The following CD164 variants were observed in gnomAD, a reference collection of about 807,000 sequenced individuals.
CD164 encodes CD164 molecule.
A neutral mutation model predicts 24.6 loss-of-function variants in CD164; 11 were observed. The observed-to-expected ratio is 0.45, with a 90% CI of 0.28 to 0.74. The LOEUF is 0.74. Among genes scored for constraint, CD164 ranks in the 30% least tolerant of loss-of-function variants. CD164 has a pLI of 0.13. For synonymous variants in CD164, 126 were observed against 100.3 expected, an observed-to-expected ratio of 1.26 and a Z score of -1.53; for missense variants, 295 against 243.7, an observed-to-expected ratio of 1.21 and a Z score of -1.40.
Position 109,368,724 on chromosome 6 carries a change from A to G in CD164, c.*127T>C, listed in dbSNP as rs1348873507. 2 of 1,435,762 alleles carry G rather than the reference A, an allele frequency of 1.4e-6. No individual in the cohort carries two copies. Among genetic ancestry groups the G allele is most frequent in the Non-Finnish European group, 1.8e-6 (2 of 1,099,242 alleles). The allele number at this position is 1,435,762 out of a possible 1,614,324, so 88.9% of individuals were successfully genotyped here. On this transcript the variant is annotated 3_prime_UTR_variant, in exon 6 of 6. Coordinates refer to ENST00000310786, the MANE Select transcript of CD164 (RefSeq NM_006016.6). ...CGGATGATGCTCCCAAACATCCTAT[A>G]TGCATCCATGGAAATTTAAAGATCC... is the stretch of plus-strand genomic sequence containing the variant.
chr6:109,382,111 G>T (rs931530311), intron 1 of CD164, 93 bp downstream of exon 1: 3 of 1,159,904 alleles, frequency 2.6e-6, no homozygotes, highest in Non-Finnish European at 3.3e-6. Context: ...CCGCCCGACC[G>T]TGGCCCGAAC....
rs552369073 is a variant in CD164, at chr6:109,374,736, G to A, written c.370+1338C>T. On this transcript the variant is annotated intron_variant, in intron 4 of 5. Transcript: ENST00000310786. ...GCTTAACTCCTTCTCACCTTGTACAGGATGGGACACTCTTTGAACTCACCG... is the reference window on the plus strand; with the variant it reads ...GCTTAACTCCTTCTCACCTTGTACAAGATGGGACACTCTTTGAACTCACCG... Among the ~76,000 whole-genome samples, 26 of 152,274 alleles carry A rather than the reference G, an allele frequency of 1.7e-4. No individual in the cohort carries two copies. In the South Asian group the frequency reaches 5.4e-3, roughly 32 times the overall value.
Position 109,368,947 on chromosome 6 carries a change from G to C in CD164, c.498C>G (p.Phe166Leu). ...VRKSTFDAAS[F>L]IGGIVLVLGV... ...CCAAGACCAGGACAATTCCTCCAAT[G>C]AAACTGGCTGCATCAAAGGTAGACT... The change falls in exon 6 of 6, where the codon TTC (phenylalanine) becomes TTG (leucine). Residue 166 changes from phenylalanine (F) to leucine (L), a missense_variant. Coordinates refer to ENST00000310786, the MANE Select transcript of CD164 (RefSeq NM_006016.6). The C allele has an allele frequency of 6.2e-7, 1 of 1,613,920 alleles. No individual in the cohort carries two copies. Among genetic ancestry groups the C allele is most frequent in the Non-Finnish European group, 8.5e-7 (1 of 1,179,884 alleles).
chr6:109,379,435 A>T, intron 2 of CD164, 144 bp downstream of exon 2: 1 of 555,622 alleles, frequency 1.8e-6, no homozygotes, highest in Non-Finnish European at 3.2e-6. Context: ...AGTGCGAGGC[A>T]ACTGGCACTT....
rs746691725 is a variant in CD164, at chr6:109,382,392, C to T, written c.-14G>A. On this transcript the variant is annotated 5_prime_UTR_variant, in exon 1 of 6. Coordinates refer to ENST00000310786, the MANE Select transcript of CD164 (RefSeq NM_006016.6). The stretch of plus-strand genomic sequence containing the variant: ...GAGCCGCGACATCGTGTCCTCAGCG[C>T]TGGCGTTCGGGAGAAAGCTAAGGCT... 4 of 1,514,528 alleles carry T rather than the reference C, an allele frequency of 2.6e-6. No homozygotes were observed. The highest frequency in any genetic ancestry group is 2.8e-5 in the African/African-American group (2 of 72,022). 93.8% of individuals were successfully genotyped at this position (1,514,528 alleles called of 1,614,324 possible). A position where few individuals can be genotyped will look rare whatever the true frequency, so the allele number is the denominator to read the frequency against.
At chr6:109,375,521 G>A in intron 4 of CD164, among the ~76,000 whole-genome samples, 1 of 151,534 alleles carries the variant, frequency 6.6e-6, no homozygotes, top group Non-Finnish European at 1.5e-5. Context: ...GGAGGCTGAG[G>A]CAGGAGAATC....
chr6:109,378,197 T>C (rs1771530060), intron 2 of CD164, among the ~76,000 whole-genome samples: 1 of 152,172 alleles, frequency 6.6e-6, no homozygotes. Flanking sequence ...CTTTTATCCA[T>C]TAAAAATCCA....
At chr6:109,379,805 T>C (rs1256051331) in intron 1 of CD164, 143 bp from the exon 2 acceptor site, 3 of 610,954 alleles carry the variant, frequency 4.9e-6, no homozygotes, top group Admixed American at 6.5e-5. Flanking sequence ...AACTTTATAC[T>C]GGTTTACTAA....
At position 109,368,496 on chromosome 6, in the gene CD164, CTAAATT is replaced by C. The variant is rs1770894978; in HGVS notation, c.*349_*354del. 2 of 1,354,326 alleles carry C rather than the reference CTAAATT, an allele frequency of 1.5e-6. No individual in the cohort carries two copies. The highest frequency in any genetic ancestry group is 3.6e-5 in the Admixed American group (1 of 27,436). The allele number at this position is 1,354,326 out of a possible 1,614,324, so 83.9% of individuals were successfully genotyped here. On this transcript the variant is annotated 3_prime_UTR_variant, in exon 6 of 6. Transcript: ENST00000310786. ...AATTCTGTTCACTAAATTAAAATTA[CTAAATT>C]TAAACTGCCAAGAGCCATGATGTTG...
rs1771507284 is a variant in CD164 at position 109,377,920 on chromosome 6, T to C, written c.311A>G (p.Asn104Ser). Residue 104 changes from asparagine (N) to serine (S), a missense_variant, in exon 3 of 6, where the codon AAC (asparagine) becomes AGC (serine). Asn to Ser is a conservative substitution (Grantham distance 46). Coordinates refer to ENST00000310786, the MANE Select transcript of CD164 (RefSeq NM_006016.6). ...NSTVSDCQVG[N>S]TTDFCSVSTA... is the part of the protein sequence containing the mutation. ...CTTACCGGAACAGAAGTCTGTCGTGTTCCCCACTTGACAATCACTAACTGT... is the reference window on the plus strand; with the variant it reads ...CTTACCGGAACAGAAGTCTGTCGTGCTCCCCACTTGACAATCACTAACTGT... 2 of 1,613,822 alleles carry C rather than the reference T, an allele frequency of 1.2e-6. No individual in the cohort carries two copies. Among genetic ancestry groups the C allele is most frequent in the East Asian group, 4.5e-5 (2 of 44,874 alleles).
Position 109,373,854 on chromosome 6 carries a change from T to C in CD164, c.370+2220A>G, listed in dbSNP as rs544475274. The stretch of plus-strand genomic sequence containing the variant: ...TTCCATGGCATGACTATTTCCATGG[T>C]AACCAGTTTCAAGTTACCAACATGG... On this transcript the variant is annotated intron_variant, in intron 4 of 5. Coordinates refer to ENST00000310786, the MANE Select transcript of CD164 (RefSeq NM_006016.6). 1.2e-4 allele frequency among the ~76,000 whole-genome samples: 19 copies of C among 152,334 alleles called. No individual in the cohort carries two copies. In the South Asian group the frequency reaches 3.7e-3, roughly 30 times the overall value.
At chr6:109,379,481 C>A in intron 2 of CD164, 98 bp downstream of exon 2, 2 of 884,884 alleles carry the variant, frequency 2.3e-6, no homozygotes, top group South Asian at 1.6e-5. Context: ...AAATAGTGCA[C>A]AATATCCTAA....
intron 1 of CD164, among the ~76,000 whole-genome samples, chr6:109,380,915 T>C (rs1477927434): frequency 6.6e-6 from 1 of 152,264 alleles, no homozygotes; most frequent in African/African-American, 2.4e-5. Flanking sequence ...ATACTGCAAT[T>C]TACTTCCCTC....
At chr6:109,375,161 T>A (rs1315866732) in intron 4 of CD164, among the ~76,000 whole-genome samples, 1 of 152,198 alleles carries the variant, frequency 6.6e-6, no homozygotes, top group African/African-American at 2.4e-5. Context: ...CTTAAAATAA[T>A]CATACCCTCT....
intron 2 of CD164, among the ~76,000 whole-genome samples, chr6:109,378,411 G>T (rs1008080733): frequency 5.3e-5 from 8 of 150,914 alleles, no homozygotes; most frequent in African/African-American, 1.5e-4. Flanking sequence ...GTGAGACCCT[G>T]CCTCTACCAA....
At chr6:109,376,140 A>G in intron 3 of CD164, 28 bp from the exon 4 acceptor site, 1 of 1,522,460 alleles carries the variant, frequency 6.6e-7, no homozygotes. Context: ...AAGAAAAACC[A>G]TATACATCAA....
At chr6:109,382,174 G>A in intron 1 of CD164, 30 bp downstream of exon 1, 2 of 1,495,890 alleles carry the variant, frequency 1.3e-6, no homozygotes, top group Admixed American at 4.3e-5. Flanking sequence ...GGGCAGGGGA[G>A]GGCGGGAAGC....
rs368577623 is a variant in CD164, at chr6:109,370,533, C to T, written c.371-66G>A. On this transcript the variant is annotated intron_variant, in intron 4 of 5. Transcript: ENST00000310786. ...TTCTAGCTTCCCAGTTATCTAACAG[C>T]TTTAAAAAATAATCCTGCCAACTTC... 3.6e-6 allele frequency: 5 copies of T among 1,388,490 alleles called. No homozygotes were observed. The East Asian group carries it at 9.6e-5, about 27-fold the overall frequency. 86.0% of individuals were successfully genotyped at this position (1,388,490 alleles called of 1,614,324 possible).
chr6:109,379,912 T>C lies in CD164; in HGVS notation c.176-250A>G, dbSNP rs1414444323. The C allele has an allele frequency of 1.3e-5, 4 of 317,796 alleles. No individual in the cohort carries two copies. The East Asian group carries it at 2.4e-4, about 19-fold the overall frequency. The allele number at this position is 317,796 out of a possible 1,614,324, so 19.7% of individuals were successfully genotyped here. A position where few individuals can be genotyped will look rare whatever the true frequency, so the allele number is the denominator to read the frequency against. On this transcript the variant is annotated intron_variant, in intron 1 of 5. Coordinates refer to ENST00000310786, the MANE Select transcript of CD164 (RefSeq NM_006016.6). Reference sequence around the variant, plus strand: ...TGCCTGATGGTATCTGTCTAACCAATCCTTTTTCACAGGACAACTATTGGA... The same window carrying C: ...TGCCTGATGGTATCTGTCTAACCAACCCTTTTTCACAGGACAACTATTGGA...
Sources: gnomAD v4.1 joint callset for allele counts (sites outside exome capture counted in the v4.1 genomes callset) on GRCh38, gnomAD v4.1.1 for gene constraint, MANE v1.5 for transcripts, NCBI Gene and HGNC (gene_info 2026-07-23, HGNC 2026-07-21) for gene names.